Variants in PPARGC1A observed in about 807,000 individuals in gnomAD.
PPARGC1A encodes peroxisome proliferator-activated receptor gamma coactivator 1-alpha.
In PPARGC1A, 25 loss-of-function variants were observed where a neutral mutation model predicts 88.7. The ratio of observed to expected loss-of-function variants is 0.28; its 90% CI spans 0.21 to 0.39. PPARGC1A has a LOEUF of 0.39. PPARGC1A is among the 10% of genes least tolerant of loss of function. PPARGC1A has a pLI of 1.00. For missense variants in PPARGC1A, 880 were observed against 968.7 expected (o/e 0.91, Z 1.22); for synonymous variants, 363 against 355.6 (o/e 1.02, Z -0.24).
the PPARGC1A span, among the ~76,000 whole-genome samples, chr4:24,018,022 G>T: frequency 2.0e-5 from 3 of 152,110 alleles, no homozygotes; most frequent in Admixed American, 2.0e-4. Flanking sequence ...AGCCCTAAAA[G>T]TTCCAGAACT....
chr4:24,388,143 GA>G, the PPARGC1A span, among the ~76,000 whole-genome samples: 136 of 148,298 alleles, frequency 9.2e-4, 1 homozygote, highest in Non-Finnish European at 5.7e-4. Context: ...AAATCTACAA[GA>G]AAAAAAAAAC....
the PPARGC1A span, among the ~76,000 whole-genome samples, chr4:24,072,052 G>A: frequency 1.3e-5 from 2 of 150,572 alleles, no homozygotes; most frequent in African/African-American, 4.9e-5. Context: ...GGCTCAAAAT[G>A]GAAAGAGGTG....
chr4:24,263,654 T>G, the PPARGC1A span, among the ~76,000 whole-genome samples: 4 of 152,154 alleles, frequency 2.6e-5, no homozygotes, highest in Non-Finnish European at 4.4e-5. Flanking sequence ...CTCCTCTTCC[T>G]CCTCCTCAGT....
At chr4:24,203,204 AGGCAAGTAAG>A in the PPARGC1A span, among the ~76,000 whole-genome samples, 2 of 152,222 alleles carry the variant, frequency 1.3e-5, no homozygotes, top group Admixed American at 1.3e-4. Flanking sequence ...GTGGATCGCC[AGGCAAGTAAG>A]AGCACAGAAA....
At chr4:24,088,574 A>G in the PPARGC1A span, among the ~76,000 whole-genome samples, 5 of 152,140 alleles carry the variant, frequency 3.3e-5, no homozygotes, top group Non-Finnish European at 7.3e-5. Flanking sequence ...CTGTTTCCCT[A>G]TTGGTACAAA....
At chr4:24,067,678 C>T in the PPARGC1A span, among the ~76,000 whole-genome samples, 78 of 152,108 alleles carry the variant, frequency 5.1e-4, no homozygotes, top group Non-Finnish European at 8.5e-4. Flanking sequence ...TGTTTAAGAC[C>T]GTCTGTCCTC....
At chr4:23,923,110 T>C in the PPARGC1A span, among the ~76,000 whole-genome samples, 12 of 96,332 alleles carry the variant, frequency 1.2e-4, no homozygotes, top group South Asian at 4.0e-4. Flanking sequence ...CTGGGTTTTG[T>C]TGCTTGTTTT....
the PPARGC1A span, among the ~76,000 whole-genome samples, chr4:24,054,904 A>G: frequency 3.9e-5 from 6 of 152,356 alleles, no homozygotes; most frequent in African/African-American, 1.4e-4. Context: ...AGCAGCAGTA[A>G]TAAGCACAAT....
At chr4:24,442,365 AT>A in the PPARGC1A span, among the ~76,000 whole-genome samples, 1 of 152,194 alleles carries the variant, frequency 6.6e-6, no homozygotes, top group African/African-American at 2.4e-5. Flanking sequence ...GGGAAAAAAA[AT>A]CTTCATTTAA....
chr4:24,206,033 G>C, the PPARGC1A span, among the ~76,000 whole-genome samples: 2 of 152,196 alleles, frequency 1.3e-5, no homozygotes, highest in Non-Finnish European at 2.9e-5. Context: ...TCTCCATTCT[G>C]TGGGCTGAGG....
At chr4:24,152,632 A>G in the PPARGC1A span, among the ~76,000 whole-genome samples, 1 of 152,324 alleles carries the variant, frequency 6.6e-6, no homozygotes, top group Admixed American at 6.5e-5. Flanking sequence ...TTATTTAGTC[A>G]TAGCTATGAA....
At chr4:23,828,662 A>G in intron 4 of PPARGC1A, 58 bp from the exon 5 acceptor site, 1 of 1,500,136 alleles carries the variant, frequency 6.7e-7, no homozygotes, top group Non-Finnish European at 9.2e-7. Flanking sequence ...ATCAGAATGG[A>G]TATAGGTTTT....
the PPARGC1A span, among the ~76,000 whole-genome samples, chr4:24,390,435 T>C: frequency 1.3e-5 from 2 of 151,968 alleles, no homozygotes; most frequent in African/African-American, 2.4e-5. Context: ...TGTGGAAAAT[T>C]ATGAAAAAGA....
chr4:24,332,101 G>C, the PPARGC1A span, among the ~76,000 whole-genome samples: 44 of 134,618 alleles, frequency 3.3e-4, no homozygotes, highest in East Asian at 7.7e-3. Flanking sequence ...GTTCTCAGAA[G>C]AACAGTGGGT....
At chr4:24,178,671 G>A in the PPARGC1A span, among the ~76,000 whole-genome samples, 7 of 152,292 alleles carry the variant, frequency 4.6e-5, 1 homozygote, top group African/African-American at 1.4e-4. Flanking sequence ...TTTACCTGAT[G>A]CATAATACTT....
At chr4:24,276,349 G>A in the PPARGC1A span, among the ~76,000 whole-genome samples, 3 of 152,128 alleles carry the variant, frequency 2.0e-5, no homozygotes, top group Admixed American at 6.5e-5. Flanking sequence ...GCACAACCAC[G>A]CAAATGCATG....
chr4:24,375,013 T>TAAAAAAA, the PPARGC1A span, among the ~76,000 whole-genome samples: 1 of 127,442 alleles, frequency 7.8e-6, no homozygotes, highest in East Asian at 2.3e-4. Flanking sequence ...CCCCCCACCC[T>TAAAAAAA]AAAAAAAAAA....
the PPARGC1A span, among the ~76,000 whole-genome samples, chr4:24,308,717 G>T: frequency 1.3e-5 from 2 of 152,122 alleles, no homozygotes; most frequent in Non-Finnish European, 2.9e-5. Context: ...ATTTGAGGTT[G>T]TGCATAAGAC....
chr4:23,804,609 TAAC>T (rs1451330264), intron 10 of PPARGC1A, among the ~76,000 whole-genome samples: 1 of 152,190 alleles, frequency 6.6e-6, no homozygotes, highest in African/African-American at 2.4e-5. Flanking sequence ...CCTAAATCAT[TAAC>T]AAGACCTACA....
Sources: allele counts gnomAD v4.1 joint callset (sites outside exome capture counted in the v4.1 genomes callset), GRCh38; gene constraint gnomAD v4.1.1; transcripts MANE v1.5; gene names NCBI Gene and HGNC (gene_info 2026-07-23, HGNC 2026-07-21).